Variants in COL19A1 observed in about 807,000 individuals in gnomAD.
COL19A1 encodes the protein collagen type XIX alpha 1 chain.
COL19A1 carries 159 observed loss-of-function variants against 190.2 expected under a neutral mutation model. The ratio of observed to expected loss-of-function variants is 0.84; its 90% CI spans 0.73 to 0.95. The LOEUF (loss-of-function observed/expected upper bound fraction) is 0.95, where lower values mean the gene tolerates loss of function less well. Among genes scored for constraint, COL19A1 ranks in the 40% least tolerant of loss-of-function variants. COL19A1 has a pLI of 0.00. For synonymous variants in COL19A1, 509 were observed against 458.9 expected, an observed-to-expected ratio of 1.11 and a Z score of -1.39; for missense variants, 1,418 against 1,431.9, an observed-to-expected ratio of 0.99 and a Z score of 0.16.
At chr6:70,189,132 T>C (rs754103661) in intron 47 of COL19A1, among the ~76,000 whole-genome samples, 1 of 152,182 alleles carries the variant, frequency 6.6e-6, no homozygotes, top group African/African-American at 2.4e-5. Flanking sequence ...GCCCATCATA[T>C]TGGATTTTTT....
intron 15 of COL19A1, 53 bp downstream of exon 15, chr6:70,068,529 T>C: frequency 8.6e-7 from 1 of 1,160,462 alleles, no homozygotes; most frequent in Non-Finnish European, 1.3e-6. Context: ...GGATACTTAT[T>C]TGGGAACACT....
chr6:70,204,964 C>T (rs1488853167), intron 49 of COL19A1, among the ~76,000 whole-genome samples: 1 of 152,058 alleles, frequency 6.6e-6, no homozygotes, highest in Non-Finnish European at 1.5e-5. Flanking sequence ...CTGCTGTTCA[C>T]ATACGTTAAA....
At chr6:70,156,289 C>G (rs1324898323) in intron 32 of COL19A1, 27 bp from the exon 33 acceptor site, 1 of 1,613,160 alleles carries the variant, frequency 6.2e-7, no homozygotes, top group South Asian at 1.1e-5. Flanking sequence ...TGCATCCTCT[C>G]AGTTCTGTTC....
At chr6:70,106,006 G>A (rs1303235481) in intron 16 of COL19A1, among the ~76,000 whole-genome samples, 1 of 152,092 alleles carries the variant, frequency 6.6e-6, no homozygotes, top group Admixed American at 6.6e-5. Flanking sequence ...GGAATTACCA[G>A]GAGGCATGAT....
chr6:69,929,168 A>ACACACACACACC (rs2150011642), intron 5 of COL19A1, among the ~76,000 whole-genome samples: 1 of 152,126 alleles, frequency 6.6e-6, no homozygotes, highest in South Asian at 2.1e-4. Flanking sequence ...ACACACACAC[A>ACACACACACACC]CACACACACA....
At chr6:69,938,937 C>T (rs1404609294) in intron 9 of COL19A1, among the ~76,000 whole-genome samples, 1 of 152,034 alleles carries the variant, frequency 6.6e-6, no homozygotes, top group Non-Finnish European at 1.5e-5. Flanking sequence ...GATTTTAATT[C>T]CTTTCCTGCC....
At chr6:70,133,532 G>T (rs965748022) in intron 18 of COL19A1, among the ~76,000 whole-genome samples, 1 of 152,178 alleles carries the variant, frequency 6.6e-6, no homozygotes, top group African/African-American at 2.4e-5. Flanking sequence ...GTACTTGCAA[G>T]TTACTTGAGG....
At chr6:69,873,488 CT>C (rs1427472140) in intron 1 of COL19A1, among the ~76,000 whole-genome samples, 3 of 152,170 alleles carry the variant, frequency 2.0e-5, no homozygotes, top group Admixed American at 6.5e-5. Context: ...GAGGGATGAA[CT>C]TTGGTTTAGG....
At chr6:69,908,708 T>C (rs1005052304) in intron 4 of COL19A1, among the ~76,000 whole-genome samples, 1 of 152,172 alleles carries the variant, frequency 6.6e-6, no homozygotes, top group Non-Finnish European at 1.5e-5. Flanking sequence ...ATGTTATCAT[T>C]ATCAAATTTA....
chr6:70,026,256 A>C (rs904927060), intron 12 of COL19A1, among the ~76,000 whole-genome samples: 4 of 152,200 alleles, frequency 2.6e-5, no homozygotes, highest in Non-Finnish European at 4.4e-5. Flanking sequence ...CAACTGATAC[A>C]TGCATATATT....
At chr6:70,075,077 A>G (rs1394142681) in intron 15 of COL19A1, among the ~76,000 whole-genome samples, 1 of 152,228 alleles carries the variant, frequency 6.6e-6, no homozygotes, top group Non-Finnish European at 1.5e-5. Flanking sequence ...TTCTTGGCAT[A>G]CAGATAACAT....
intron 11 of COL19A1, among the ~76,000 whole-genome samples, chr6:69,978,381 C>T (rs1184817837): frequency 1.3e-5 from 2 of 150,508 alleles, no homozygotes; most frequent in South Asian, 2.1e-4. Flanking sequence ...ATTCTTTGGA[C>T]AAAAAAAATA....
At chr6:69,894,548 G>A (rs1470534912) in intron 2 of COL19A1, among the ~76,000 whole-genome samples, 2 of 152,144 alleles carry the variant, frequency 1.3e-5, no homozygotes, top group East Asian at 3.9e-4. Flanking sequence ...CTAAGCACTT[G>A]TCTTTCTTTA....
chr6:70,141,160 T>A (rs564369177), intron 20 of COL19A1, among the ~76,000 whole-genome samples, 171 bp downstream of exon 20: 8 of 152,206 alleles, frequency 5.3e-5, no homozygotes, highest in Non-Finnish European at 1.2e-4. Context: ...AAATAAGAAA[T>A]TTTAAGCCTT....
intron 4 of COL19A1, among the ~76,000 whole-genome samples, chr6:69,906,131 C>A (rs745864595): frequency 2.0e-5 from 3 of 152,166 alleles, no homozygotes; most frequent in Non-Finnish European, 2.9e-5. Context: ...ACCTTATTTT[C>A]TTGGCATAAT....
chr6:69,928,555 C>T (rs1240042223), intron 5 of COL19A1, among the ~76,000 whole-genome samples: 5 of 152,008 alleles, frequency 3.3e-5, no homozygotes, highest in Admixed American at 6.6e-5. Context: ...GAGCATAAGG[C>T]GTAAGGAGAT....
At chr6:70,145,083 C>A in intron 25 of COL19A1, 76 bp downstream of exon 25, 1 of 1,069,230 alleles carries the variant, frequency 9.4e-7, no homozygotes, top group African/African-American at 1.6e-5. Context: ...AGTTTCAGAT[C>A]ACAAGTATGG....
chr6:70,044,459 C>T (rs1779801022), intron 14 of COL19A1, among the ~76,000 whole-genome samples: 1 of 152,164 alleles, frequency 6.6e-6, no homozygotes, highest in Non-Finnish European at 1.5e-5. Flanking sequence ...TGGTGTATCT[C>T]AGCTTTCAGT....
rs2296010 is a variant in COL19A1 at position 70,163,439 on chromosome 6, G to A, written c.2400+43G>A. The stretch of plus-strand genomic sequence containing the variant: ...CACTTACCATCCAAACTGGGGCTTG[G>A]AGTGGGAGCAGGATGAGACTCTTCA... On this transcript the variant is annotated intron_variant, in intron 36 of 50. Coordinates refer to ENST00000620364, the MANE Select transcript of COL19A1 (RefSeq NM_001858.6). 610,634 of 1,584,062 alleles carry A rather than the reference G, an allele frequency of 0.39. 119,301 individuals are homozygous for A. The highest frequency in any genetic ancestry group is 0.47 in the Middle Eastern group (2,796 of 6,000).
Sources: allele counts gnomAD v4.1 joint callset (sites outside exome capture counted in the v4.1 genomes callset), GRCh38; gene constraint gnomAD v4.1.1; transcripts MANE v1.5; gene names NCBI Gene and HGNC (gene_info 2026-07-23, HGNC 2026-07-21).